Variants in PDE7B observed in about 807,000 individuals in gnomAD.
The protein encoded by PDE7B is phosphodiesterase 7B.
Under a neutral mutation model 56.2 loss-of-function variants are expected in PDE7B, and 29 were observed. The ratio of observed to expected loss-of-function variants is 0.52; its 90% confidence interval spans 0.38 to 0.70. The LOEUF is 0.70. Ranked by LOEUF, PDE7B falls within the 30% of genes least tolerant of loss-of-function variation. The pLI is 0.00. For missense variants in PDE7B, 490 were observed against 565.0 expected, an observed-to-expected ratio of 0.87 and a Z score of 1.35; for synonymous variants, 197 against 196.9, an observed-to-expected ratio of 1.00 and a Z score of 0.00.
chr6:135,901,483 C>T (rs1775998836), intron 1 of PDE7B, among the ~76,000 whole-genome samples: 1 of 152,104 alleles, frequency 6.6e-6, no homozygotes, highest in East Asian at 1.9e-4. Flanking sequence ...TGAATGAGTA[C>T]AGACCTTTTT....
chr6:136,152,405 A>C (rs948612967), intron 6 of PDE7B, among the ~76,000 whole-genome samples: 1 of 152,210 alleles, frequency 6.6e-6, no homozygotes, highest in Admixed American at 6.5e-5. Context: ...AGTTATTTCT[A>C]ACCATTTAAA....
intron 2 of PDE7B, among the ~76,000 whole-genome samples, chr6:136,025,971 G>T (rs576037955): frequency 2.6e-5 from 4 of 152,146 alleles, no homozygotes; most frequent in Non-Finnish European, 5.9e-5. Flanking sequence ...TTGCTAAATG[G>T]CTCCAAAAGG....
chr6:136,100,324 C>G (rs889368137), intron 2 of PDE7B, among the ~76,000 whole-genome samples: 3 of 152,110 alleles, frequency 2.0e-5, no homozygotes, highest in Non-Finnish European at 4.4e-5. Context: ...TCAGTGGTAG[C>G]TTGATGGGGA....
intron 2 of PDE7B, chr6:136,044,076 T>A (rs1190132026): frequency 3.3e-5 from 5 of 152,226 alleles, no homozygotes; most frequent in Admixed American, 2.6e-4. Context: ...CTTTGCTCCA[T>A]GTCCCTAATT....
At chr6:136,137,751 A>G (rs566300942) in intron 3 of PDE7B, among the ~76,000 whole-genome samples, 2 of 152,244 alleles carry the variant, frequency 1.3e-5, no homozygotes, top group East Asian at 3.9e-4. Flanking sequence ...AAATGAAAAT[A>G]ATTTTTATTA....
intron 2 of PDE7B, among the ~76,000 whole-genome samples, chr6:136,056,854 T>C (rs34907963): frequency 7.2e-5 from 11 of 151,820 alleles, no homozygotes; most frequent in African/African-American, 2.7e-4. Flanking sequence ...TTTATGTTTG[T>C]GGTTCTGGTT....
intron 2 of PDE7B, among the ~76,000 whole-genome samples, chr6:135,979,290 T>G (rs1775250785): frequency 6.6e-6 from 1 of 151,820 alleles, no homozygotes; most frequent in African/African-American, 2.4e-5. Flanking sequence ...AGTATTTTAT[T>G]GAGGATTTTT....
intron 3 of PDE7B, among the ~76,000 whole-genome samples, chr6:136,141,065 C>CAGTTTT (rs1778315908): frequency 6.6e-6 from 1 of 152,090 alleles, no homozygotes; most frequent in Non-Finnish European, 1.5e-5. Flanking sequence ...GGAATGCTTC[C>CAGTTTT]AGTTTTTGCC....
intron 3 of PDE7B, among the ~76,000 whole-genome samples, chr6:136,130,687 A>C (rs1778102916): frequency 6.6e-6 from 1 of 152,140 alleles, no homozygotes; most frequent in Non-Finnish European, 1.5e-5. Context: ...ACACTCACTT[A>C]AATCTTCTTG....
intron 2 of PDE7B, among the ~76,000 whole-genome samples, chr6:135,985,212 A>AG (rs1220908964): frequency 5.3e-5 from 8 of 151,762 alleles, no homozygotes; most frequent in Admixed American, 2.0e-4. Flanking sequence ...AATGCCACTG[A>AG]GGGAAAAAAA....
At chr6:135,942,942 A>G (rs1389357863) in intron 1 of PDE7B, among the ~76,000 whole-genome samples, 1 of 152,244 alleles carries the variant, frequency 6.6e-6, no homozygotes, top group East Asian at 1.9e-4. Flanking sequence ...CGCCTTGGCT[A>G]TTGTGAATAA....
intron 2 of PDE7B, among the ~76,000 whole-genome samples, chr6:135,994,423 C>T (rs1775529247): frequency 6.6e-6 from 1 of 152,092 alleles, no homozygotes; most frequent in African/African-American, 2.4e-5. Context: ...TTCTATTTCA[C>T]CAAAGATACA....
intron 2 of PDE7B, among the ~76,000 whole-genome samples, chr6:136,036,449 T>A (rs1776327376): frequency 6.6e-6 from 1 of 152,182 alleles, no homozygotes. Context: ...GGAGAGTAGG[T>A]TTGCCAGTAT....
chr6:135,951,614 T>C (rs1774700378), intron 2 of PDE7B, among the ~76,000 whole-genome samples: 1 of 152,166 alleles, frequency 6.6e-6, no homozygotes, highest in Non-Finnish European at 1.5e-5. Flanking sequence ...AGTGCTTCTT[T>C]GTATCTCCTA....
chr6:136,000,123 T>C (rs1775638594), intron 2 of PDE7B, among the ~76,000 whole-genome samples: 1 of 152,236 alleles, frequency 6.6e-6, no homozygotes, highest in African/African-American at 2.4e-5. Flanking sequence ...TAAATTTGTT[T>C]AAGTTCCTTA....
rs759491187 is a variant in PDE7B, at chr6:136,181,305, G to C, written c.1027G>C (p.Glu343Gln). The C allele has an allele frequency of 8.1e-6, 13 of 1,610,284 alleles. 1 individual carries two copies. The highest frequency in any genetic ancestry group is 3.3e-5 in the Admixed American group (2 of 60,016). The part of the protein sequence containing the change: ...MSKQWSERVC[E>Q]EFYRQGELEQ... ...CAAGCAGTGGAGTGAAAGGGTCTGT[G>C]AAGAATTCTACAGGCAAGGTTAGTA... Residue 343 changes from glutamate (E) to glutamine (Q), a missense_variant, in exon 11 of 13, where the codon GAA becomes CAA. By Grantham distance (29) the Glu-to-Gln change is conservative (BLOSUM62 2). Coordinates refer to ENST00000308191, the MANE Select transcript of PDE7B (RefSeq NM_018945.4).
At chr6:135,852,187 C>T (rs905638208) in intron 1 of PDE7B, among the ~76,000 whole-genome samples, 168 bp downstream of exon 1, 22 of 152,000 alleles carry the variant, frequency 1.4e-4, no homozygotes, top group Non-Finnish European at 3.1e-4. Flanking sequence ...TCTAGGCGAA[C>T]TGACTAAACA....
At chr6:136,019,995 A>C (rs549752990) in intron 2 of PDE7B, among the ~76,000 whole-genome samples, 66 of 152,304 alleles carry the variant, frequency 4.3e-4, no homozygotes, top group African/African-American at 1.4e-3. Context: ...ATGCAGTTCG[A>C]ACCTATGTTA....
chr6:136,178,509 A>G (rs1779015069), intron 9 of PDE7B, among the ~76,000 whole-genome samples: 1 of 151,864 alleles, frequency 6.6e-6, no homozygotes, highest in Admixed American at 6.6e-5. Context: ...AAGTTCCAGA[A>G]TCTCTTCCTG....
Sources: allele counts gnomAD v4.1 joint callset (sites outside exome capture counted in the v4.1 genomes callset), GRCh38; gene constraint gnomAD v4.1.1; transcripts MANE v1.5; gene names NCBI Gene and HGNC (gene_info 2026-07-23, HGNC 2026-07-21).